TM9SF3: variants seen among roughly 807,000 people sequenced by gnomAD.
The protein encoded by TM9SF3 is SM-11044-binding protein.
Under a neutral mutation model 78.6 loss-of-function variants are expected in TM9SF3, and 14 were observed. The ratio of observed to expected loss-of-function variants is 0.18; its 90% CI spans 0.12 to 0.28. The LOEUF is 0.28. Among genes scored for constraint, TM9SF3 ranks in the 10% least tolerant of loss-of-function variants. TM9SF3 has a pLI of 1.00. For synonymous variants in TM9SF3, 231 were observed against 241.7 expected (o/e 0.96, Z 0.41); for missense variants, 496 against 721.9 (o/e 0.69, Z 3.59).
At chr10:96,528,970 T>G (rs1288636200) in intron 11 of TM9SF3, among the ~76,000 whole-genome samples, 1 of 151,998 alleles carries the variant, frequency 6.6e-6, no homozygotes, top group African/African-American at 2.4e-5. Flanking sequence ...GGTAGGAGAA[T>G]GGGTTTGAAG....
intron 2 of TM9SF3, among the ~76,000 whole-genome samples, chr10:96,569,935 G>A (rs568780170): frequency 5.9e-5 from 9 of 152,284 alleles, no homozygotes; most frequent in Non-Finnish European, 1.0e-4. Flanking sequence ...GGGAGGCTGA[G>A]GCAGGAGAAT....
At chr10:96,535,675 G>A (rs887245889) in intron 9 of TM9SF3, among the ~76,000 whole-genome samples, 8 of 152,144 alleles carry the variant, frequency 5.3e-5, no homozygotes, top group Admixed American at 2.0e-4. Context: ...GTTCAGAGGA[G>A]AATGAAAGCA....
intron 7 of TM9SF3, among the ~76,000 whole-genome samples, chr10:96,549,582 A>C (rs968230515): frequency 6.6e-6 from 1 of 152,152 alleles, no homozygotes; most frequent in Non-Finnish European, 1.5e-5. Context: ...TGAAACACCT[A>C]AAGTGAAATC....
intron 1 of TM9SF3, among the ~76,000 whole-genome samples, chr10:96,584,072 A>G (rs540010816): frequency 6.6e-6 from 1 of 152,242 alleles, no homozygotes; most frequent in African/African-American, 2.4e-5. Flanking sequence ...AAAACAGTGC[A>G]TAGCCCATTT....
At chr10:96,577,099 T>C (rs1036813973) in intron 1 of TM9SF3, among the ~76,000 whole-genome samples, 3 of 152,142 alleles carry the variant, frequency 2.0e-5, no homozygotes, top group African/African-American at 4.8e-5. Context: ...CTAAGCCCAA[T>C]AGCTCATAAG....
chr10:96,526,726 G>C (rs1847842336), intron 14 of TM9SF3, among the ~76,000 whole-genome samples: 1 of 152,112 alleles, frequency 6.6e-6, no homozygotes. Context: ...ATCATAACAA[G>C]TAAACTGTGC....
intron 5 of TM9SF3, among the ~76,000 whole-genome samples, chr10:96,557,200 T>C (rs1405932725): frequency 1.3e-5 from 2 of 152,136 alleles, no homozygotes; most frequent in Non-Finnish European, 2.9e-5. Flanking sequence ...ACTCCAGAAC[T>C]GATATATCCA....
intron 4 of TM9SF3, 93 bp from the exon 5 acceptor site, chr10:96,559,829 C>T: frequency 1.5e-6 from 1 of 664,980 alleles, no homozygotes. Flanking sequence ...TTTACACACA[C>T]TTAGAATTAA....
intron 4 of TM9SF3, chr10:96,560,182 C>T (rs745678468): frequency 6.7e-5 from 65 of 975,872 alleles, no homozygotes; most frequent in Middle Eastern, 6.4e-4. Context: ...GTGCTGCCAC[C>T]CCATGGAAGA....
intron 5 of TM9SF3, among the ~76,000 whole-genome samples, chr10:96,557,856 C>T (rs1030325973): frequency 6.6e-6 from 1 of 152,190 alleles, no homozygotes; most frequent in Admixed American, 6.5e-5. Context: ...TCTTGTTCTG[C>T]TGTCTACTTT....
intron 7 of TM9SF3, among the ~76,000 whole-genome samples, chr10:96,549,817 T>TAAAAAAA (rs35197761): frequency 7.1e-6 from 1 of 140,448 alleles, no homozygotes; most frequent in Non-Finnish European, 1.5e-5. Context: ...TTCTGCATTT[T>TAAAAAAA]AAAAAAAAAA....
rs77799879 is a variant in TM9SF3, at chr10:96,572,678, C to T, written c.298+3956G>A. 1.2e-4 allele frequency among the ~76,000 whole-genome samples: 18 copies of T among 152,048 alleles called. No individual in the cohort carries two copies. The Middle Eastern group carries it at 0.01, about 86-fold the overall frequency. On this transcript the variant is annotated intron_variant, in intron 2 of 14. Transcript: ENST00000371142. ...AGTAGCTGGGACCACAAGCGCCCAC[C>T]ACCGTGCCCGGCGAATTTTTTTTGT...
At chr10:96,556,564 GC>G (rs1378963268) in intron 5 of TM9SF3, among the ~76,000 whole-genome samples, 2 of 152,060 alleles carry the variant, frequency 1.3e-5, no homozygotes, top group East Asian at 3.8e-4. Context: ...GGAAAACGAT[GC>G]AGTATTTCTC....
chr10:96,559,655 C>A lies in TM9SF3; in HGVS notation c.660+4G>T. On this transcript the variant is annotated splice_donor_region_variant and intron_variant, in intron 5 of 14. Coordinates refer to ENST00000371142, the MANE Select transcript of TM9SF3 (RefSeq NM_020123.4). Reference sequence around the variant, plus strand: ...CAATGTCTTAAAATACACTATTTACCTACCCGATGTTGAAAAAAGGACGGA... The same window carrying A: ...CAATGTCTTAAAATACACTATTTACATACCCGATGTTGAAAAAAGGACGGA... 6.3e-7 allele frequency: 1 copy of A among 1,579,186 alleles called. No homozygotes were observed. The highest frequency in any genetic ancestry group is 1.2e-5 in the South Asian group (1 of 85,596).
rs1438134087 is a variant in TM9SF3 at position 96,518,920 on chromosome 10, ACTC to A, written c.*3340_*3342del. 1 of 152,078 alleles carries A rather than the reference ACTC, an allele frequency of 6.6e-6. No individual in the cohort carries two copies. The highest frequency in any genetic ancestry group is 1.5e-5 in the Non-Finnish European group (1 of 67,948). 9.4% of individuals were successfully genotyped at this position (152,078 alleles called of 1,614,324 possible). On this transcript the variant is annotated 3_prime_UTR_variant, in exon 15 of 15. Transcript: ENST00000371142. ...AATACTTGTGTTTTAATACATCACT[ACTC>A]CTATTTATTACATGTTCCAATAAAC...
At chr10:96,564,677 CAAAA>C (rs1444976988) in intron 3 of TM9SF3, among the ~76,000 whole-genome samples, 3 of 151,984 alleles carry the variant, frequency 2.0e-5, no homozygotes, top group African/African-American at 7.3e-5. Context: ...TTTCCAGAGA[CAAAA>C]GAAAGAAACA....
intron 5 of TM9SF3, among the ~76,000 whole-genome samples, chr10:96,555,389 T>A (rs2134146370): frequency 6.6e-6 from 1 of 152,302 alleles, no homozygotes; most frequent in Non-Finnish European, 1.5e-5. Context: ...GTCTTCATAT[T>A]CCAACACAAG....
rs375038089 is a variant in TM9SF3, at chr10:96,547,723, G to C, written c.1054+172C>G. On this transcript the variant is annotated intron_variant, in intron 8 of 14. Coordinates refer to ENST00000371142, the MANE Select transcript of TM9SF3 (RefSeq NM_020123.4). Reference sequence around the variant, plus strand: ...AATTCCAAGCTACTCAGGAGGCTGAGGCACGAGAATCGCTTGAACCCAGGA... The same window carrying C: ...AATTCCAAGCTACTCAGGAGGCTGACGCACGAGAATCGCTTGAACCCAGGA... Among the ~76,000 whole-genome samples, 41 of 152,300 alleles carry C rather than the reference G, an allele frequency of 2.7e-4. No individual in the cohort carries two copies. The East Asian group carries it at 7.5e-3, about 28-fold the overall frequency.
At chr10:96,541,582 C>T (rs1250590051) in intron 9 of TM9SF3, among the ~76,000 whole-genome samples, 1 of 152,086 alleles carries the variant, frequency 6.6e-6, no homozygotes, top group African/African-American at 2.4e-5. Context: ...TAGGGTTTCA[C>T]CATGTTGGCC....
Sources: allele counts gnomAD v4.1 joint callset (sites outside exome capture counted in the v4.1 genomes callset), GRCh38; gene constraint gnomAD v4.1.1; transcripts MANE v1.5; gene names NCBI Gene and HGNC (gene_info 2026-07-23, HGNC 2026-07-21).